The following EXOC2 variants were observed in gnomAD, a reference collection of about 807,000 sequenced individuals.
EXOC2 encodes SEC5-like 1.
EXOC2 carries 70 observed loss-of-function variants against 131.8 expected under a neutral mutation model. The ratio of observed to expected loss-of-function variants is 0.53; its 90% CI spans 0.44 to 0.65. The LOEUF is 0.65. Among genes scored for constraint, EXOC2 ranks in the 30% least tolerant of loss-of-function variants. The pLI, the probability that EXOC2 is intolerant of heterozygous loss-of-function variation, is 0.00. For missense variants in EXOC2, 923 were observed against 1,108.6 expected (o/e 0.83, Z 2.38); for synonymous variants, 411 against 398.4 (o/e 1.03, Z -0.38).
chr6:684,563 C>T (rs1764557836), intron 1 of EXOC2, among the ~76,000 whole-genome samples: 1 of 152,178 alleles, frequency 6.6e-6, no homozygotes, highest in African/African-American at 2.4e-5. Flanking sequence ...TTTAAACCAT[C>T]TGCCTCTTTT....
chr6:658,921 C>CA (rs1457413184), intron 1 of EXOC2, among the ~76,000 whole-genome samples: 1 of 152,008 alleles, frequency 6.6e-6, no homozygotes, highest in African/African-American at 2.4e-5. Context: ...CTTGGCCTCT[C>CA]AAAGTGCTGG....
chr6:489,685 T>G (rs1177376877), intron 26 of EXOC2, among the ~76,000 whole-genome samples: 2 of 152,242 alleles, frequency 1.3e-5, no homozygotes, highest in Non-Finnish European at 2.9e-5. Flanking sequence ...GGGGAGACTG[T>G]GGTAATTAAC....
In EXOC2 at chr6:617,130, T is replaced by A. The variant is rs570948204; in HGVS notation, c.661+581A>T. Among the ~76,000 whole-genome samples, 4 of 152,332 alleles carry A rather than the reference T, an allele frequency of 2.6e-5. No homozygotes were observed. The South Asian group carries it at 8.3e-4, about 32-fold the overall frequency. ...TGAGTTAACTTTTATTGATATAGAT[T>A]ACTTTTTACTAAATAGCAATAATTA... On this transcript the variant is annotated intron_variant, in intron 6 of 27. Coordinates refer to ENST00000230449, the MANE Select transcript of EXOC2 (RefSeq NM_018303.6).
At chr6:684,536 A>C (rs1764556011) in intron 1 of EXOC2, among the ~76,000 whole-genome samples, 2 of 152,258 alleles carry the variant, frequency 1.3e-5, no homozygotes, top group African/African-American at 4.8e-5. Flanking sequence ...TTTTCCTTAT[A>C]GATATACTAT....
intron 1 of EXOC2, among the ~76,000 whole-genome samples, chr6:652,349 G>A (rs1407875208): frequency 6.6e-6 from 1 of 152,164 alleles, no homozygotes; most frequent in African/African-American, 2.4e-5. Context: ...TCCAATGTTT[G>A]TGTGTTCTTT....
chr6:522,958 G>T (rs1007715319), intron 23 of EXOC2, among the ~76,000 whole-genome samples: 1 of 152,216 alleles, frequency 6.6e-6, no homozygotes, highest in Non-Finnish European at 1.5e-5. Flanking sequence ...TCCTCCAAAG[G>T]CCAGGCGCCA....
chr6:624,346 T>C (rs1761444701), intron 4 of EXOC2, among the ~76,000 whole-genome samples: 1 of 152,224 alleles, frequency 6.6e-6, no homozygotes, highest in African/African-American at 2.4e-5. Flanking sequence ...CGAGAAGTTA[T>C]TCCATTATGA....
chr6:592,484 C>A lies in EXOC2; in HGVS notation c.1177G>T (p.Val393Leu). The change falls in exon 11 of 28, where the codon GTG becomes TTG. Residue 393 changes from valine (V) to leucine (L), a missense_variant. Physicochemically the swap from Val to Leu is conservative, Grantham distance 32 (BLOSUM62 1). Coordinates refer to ENST00000230449, the MANE Select transcript of EXOC2 (RefSeq NM_018303.6). ...AAATCCTTGCCTTTCAGATCTTTCA[C>A]GTAGCCCTCTTTGCAACTGTGCATG... ...QLMHSCKEGY[V>L]KDLKGNPGLH... 6.2e-7 allele frequency: 1 copy of A among 1,613,736 alleles called. No individual in the cohort carries two copies. Among genetic ancestry groups the A allele is most frequent in the Non-Finnish European group, 8.5e-7 (1 of 1,179,752 alleles).
intron 17 of EXOC2, among the ~76,000 whole-genome samples, chr6:559,170 G>A (rs1175567203): frequency 6.6e-6 from 1 of 152,082 alleles, no homozygotes; most frequent in Admixed American, 6.6e-5. Flanking sequence ...ATTGAAAAGA[G>A]GCAGAAACCA....
chr6:519,072 T>G (rs932856306), intron 23 of EXOC2, among the ~76,000 whole-genome samples: 2 of 145,340 alleles, frequency 1.4e-5, no homozygotes, highest in African/African-American at 5.1e-5. Flanking sequence ...AGGGAAACCA[T>G]CACCCACCGA....
rs373236746 is a variant in EXOC2 at position 689,754 on chromosome 6, G to A, written c.-44+3265C>T. Among the ~76,000 whole-genome samples the A allele has an allele frequency of 4.7e-4, 71 of 152,268 alleles. No individual in the cohort carries two copies. The East Asian group carries it at 7.1e-3, about 15-fold the overall frequency. Reference sequence around the variant, plus strand: ...TACAAAAATAATTAAAACTAATCCCGATCCAGAATGAGCTTAGTCTTTTAC... The same window carrying A: ...TACAAAAATAATTAAAACTAATCCCAATCCAGAATGAGCTTAGTCTTTTAC... On this transcript the variant is annotated intron_variant, in intron 1 of 27. Transcript: ENST00000230449.
chr6:599,331 C>T (rs976325581), intron 7 of EXOC2, 106 bp from the exon 8 acceptor site: 12 of 1,044,034 alleles, frequency 1.1e-5, no homozygotes, highest in African/African-American at 8.2e-5. Context: ...TGTAGTTTTA[C>T]GTTAAAACTC....
At position 658,060 on chromosome 6, in the gene EXOC2, T is replaced by C. The variant is rs150735917; in HGVS notation, c.-43-20199A>G. Among the ~76,000 whole-genome samples the C allele has an allele frequency of 7.2e-3, 1,099 of 152,310 alleles. 41 individuals are homozygous for C. The highest frequency in any genetic ancestry group is 0.054 in the Admixed American group (823 of 15,302). On this transcript the variant is annotated intron_variant, in intron 1 of 27. Transcript: ENST00000230449. ...AGTCCTGTTTCTGGTACTTTAATGTTATCTGTTTTTATGACTTAGTTGTTT... is the reference window on the plus strand; with the variant it reads ...AGTCCTGTTTCTGGTACTTTAATGTCATCTGTTTTTATGACTTAGTTGTTT...
intron 27 of EXOC2, among the ~76,000 whole-genome samples, chr6:488,597 C>T (rs1763233080): frequency 1.3e-5 from 2 of 151,834 alleles, no homozygotes; most frequent in Non-Finnish European, 2.9e-5. Context: ...AAAAAAAAAT[C>T]ACCGACTCCT....
At chr6:614,481 C>T (rs1188567145) in intron 6 of EXOC2, among the ~76,000 whole-genome samples, 3 of 152,152 alleles carry the variant, frequency 2.0e-5, no homozygotes. Flanking sequence ...AATCTCTATC[C>T]CTGGCTGACT....
chr6:567,284 C>T (rs959259732), intron 13 of EXOC2, among the ~76,000 whole-genome samples: 4 of 152,182 alleles, frequency 2.6e-5, no homozygotes, highest in Admixed American at 6.5e-5. Context: ...GTGCTGCAGG[C>T]GTCCTTCTCG....
At chr6:687,171 CTTTTTTTTT>C (rs762736216) in intron 1 of EXOC2, among the ~76,000 whole-genome samples, 6 of 78,360 alleles carry the variant, frequency 7.7e-5, no homozygotes, top group Admixed American at 4.4e-4. Flanking sequence ...AAATAATATT[CTTTTTTTTT>C]TTTTTTTTTT....
At chr6:499,108 C>G (rs1333279178) in intron 24 of EXOC2, among the ~76,000 whole-genome samples, 1 of 152,048 alleles carries the variant, frequency 6.6e-6, no homozygotes, top group African/African-American at 2.4e-5. Context: ...TTTCGCATGG[C>G]CCAGAAGCAC....
chr6:637,637 C>T, intron 2 of EXOC2, 64 bp downstream of exon 2: 1 of 1,251,432 alleles, frequency 8.0e-7, no homozygotes, highest in Non-Finnish European at 1.1e-6. Context: ...AATTACATAT[C>T]TTGTCTCCCT....
Sources: allele counts gnomAD v4.1 joint callset (sites outside exome capture counted in the v4.1 genomes callset), GRCh38; gene constraint gnomAD v4.1.1; transcripts MANE v1.5; gene names NCBI Gene and HGNC (gene_info 2026-07-23, HGNC 2026-07-21).